The following SLC4A4 variants were observed in gnomAD, a reference collection of about 807,000 sequenced individuals.
SLC4A4 encodes the protein solute carrier family 4 member 4, also known as electrogenic sodium bicarbonate cotransporter 1.
In SLC4A4, 27 loss-of-function variants were observed where a neutral mutation model predicts 111.5. The ratio of observed to expected loss-of-function variants is 0.24; its 90% CI spans 0.18 to 0.33. SLC4A4 has a LOEUF of 0.33. SLC4A4 is among the 10% of genes least tolerant of loss of function. The pLI is 1.00. For synonymous variants in SLC4A4, 443 were observed against 463.4 expected (o/e 0.96, Z 0.57); for missense variants, 909 against 1,315.5 (o/e 0.69, Z 4.78).
intron 2 of SLC4A4, among the ~76,000 whole-genome samples, chr4:71,123,998 G>A (rs761840165): frequency 3.3e-5 from 5 of 152,094 alleles, no homozygotes; most frequent in Non-Finnish European, 7.4e-5. Flanking sequence ...ATTTTAATTA[G>A]GCAGCTGAAT....
At chr4:71,100,554 T>G (rs533493026) in intron 2 of SLC4A4, among the ~76,000 whole-genome samples, 1 of 152,274 alleles carries the variant, frequency 6.6e-6, no homozygotes, top group South Asian at 2.1e-4. Flanking sequence ...GGATGCCCTT[T>G]CCCACAACAT....
chr4:71,085,880 A>G (rs1259909363), intron 1 of SLC4A4, among the ~76,000 whole-genome samples: 1 of 151,940 alleles, frequency 6.6e-6, no homozygotes, highest in African/African-American at 2.4e-5. Flanking sequence ...TTGACTTGGC[A>G]ATGTGGGCTC....
intron 3 of SLC4A4, among the ~76,000 whole-genome samples, chr4:71,297,539 C>G (rs867878661): frequency 1.4e-5 from 2 of 148,058 alleles, no homozygotes; most frequent in African/African-American, 5.2e-5. Context: ...CACACACACA[C>G]ACACACACAC....
intron 1 of SLC4A4, among the ~76,000 whole-genome samples, chr4:71,212,578 C>T (rs1044839589): frequency 4.5e-4 from 68 of 152,232 alleles, no homozygotes; most frequent in African/African-American, 1.5e-3. Context: ...GGTTGGAGAA[C>T]CATGGGATAT....
chr4:71,110,008 T>C (rs1008691564), intron 2 of SLC4A4, among the ~76,000 whole-genome samples: 12 of 152,044 alleles, frequency 7.9e-5, no homozygotes, highest in African/African-American at 1.7e-4. Context: ...AGAGCTGAAA[T>C]TGATGAAAAT....
intron 20 of SLC4A4, among the ~76,000 whole-genome samples, chr4:71,548,336 A>C (rs1735707067): frequency 6.6e-6 from 1 of 151,900 alleles, no homozygotes; most frequent in Non-Finnish European, 1.5e-5. Flanking sequence ...GGTTGTTTAG[A>C]AAATTAGGGG....
In SLC4A4 at chr4:71,293,357, A is replaced by C. The variant is rs533300175; in HGVS notation, c.253+37958A>C. On this transcript the variant is annotated intron_variant, in intron 3 of 25. Transcript: ENST00000264485. ...GCCAGGTGGATCACCTGAGGTCAGG[A>C]GTTCGAGACCAGCCTGGGCAACATG... is the stretch of plus-strand genomic sequence containing the variant. Among the ~76,000 whole-genome samples, 4 of 151,610 alleles carry C rather than the reference A, an allele frequency of 2.6e-5. No homozygotes were observed. The East Asian group carries it at 6.0e-4, about 23-fold the overall frequency.
intron 2 of SLC4A4, among the ~76,000 whole-genome samples, chr4:71,152,777 T>C (rs774922702): frequency 1.3e-4 from 19 of 150,482 alleles, no homozygotes; most frequent in Non-Finnish European, 2.5e-4. Context: ...CCAGCCCACT[T>C]TCTTTGATCT....
intron 1 of SLC4A4, among the ~76,000 whole-genome samples, chr4:71,188,951 G>T (rs1029661676): frequency 3.3e-5 from 5 of 151,684 alleles, no homozygotes; most frequent in African/African-American, 4.9e-5. Flanking sequence ...GGTCTTTGTG[G>T]TAGATCTTGA....
intron 1 of SLC4A4, among the ~76,000 whole-genome samples, chr4:71,233,525 G>T (rs1246939617): frequency 6.6e-6 from 1 of 151,904 alleles, no homozygotes; most frequent in African/African-American, 2.4e-5. Context: ...CTTGGTCTTA[G>T]GTCCACTCCT....
chr4:71,283,209 C>G (rs1723660277), intron 3 of SLC4A4, among the ~76,000 whole-genome samples: 1 of 152,170 alleles, frequency 6.6e-6, no homozygotes, highest in Admixed American at 6.5e-5. Flanking sequence ...TCCGCTATCT[C>G]CCTCCTCCCA....
chr4:71,399,768 GA>G (rs1262320679), intron 7 of SLC4A4, among the ~76,000 whole-genome samples: 1 of 151,914 alleles, frequency 6.6e-6, no homozygotes, highest in Non-Finnish European at 1.5e-5. Context: ...TTCCCCAGAA[GA>G]GGGACTCTGT....
intron 6 of SLC4A4, among the ~76,000 whole-genome samples, chr4:71,393,836 T>C (rs536706758): frequency 1.2e-4 from 19 of 152,196 alleles, no homozygotes; most frequent in African/African-American, 4.3e-4. Flanking sequence ...TGGAACAGAA[T>C]AGAGAACCCA....
rs73828118 is a variant in SLC4A4 at position 71,379,134 on chromosome 4, T to C, written c.731-18443T>C. 9.0e-3 allele frequency among the ~76,000 whole-genome samples: 1,375 copies of C among 152,302 alleles called. 23 individuals are homozygous for C. Among genetic ancestry groups the C allele is most frequent in the African/African-American group, 0.029 (1,222 of 41,554 alleles). ...CCATCTTTCACAACTGCCAGAAGGA[T>C]CTACGTTATGAACGCCACACATCAC... is the stretch of plus-strand genomic sequence containing the variant. On this transcript the variant is annotated intron_variant, in intron 6 of 25. Transcript: ENST00000264485.
chr4:71,304,616 C>T (rs1725539756), intron 3 of SLC4A4, among the ~76,000 whole-genome samples: 1 of 152,154 alleles, frequency 6.6e-6, no homozygotes, highest in African/African-American at 2.4e-5. Context: ...CAAGTTGACA[C>T]ATAAAATTAA....
intron 7 of SLC4A4, among the ~76,000 whole-genome samples, chr4:71,410,773 T>A (rs1721296972): frequency 6.6e-6 from 1 of 152,188 alleles, no homozygotes. Flanking sequence ...TTGGAATAAA[T>A]CTGAATTTAG....
intron 1 of SLC4A4, among the ~76,000 whole-genome samples, chr4:71,230,689 G>A (rs1295581847): frequency 6.6e-6 from 1 of 152,174 alleles, no homozygotes; most frequent in Non-Finnish European, 1.5e-5. Context: ...GATGCCTTTT[G>A]GGATGGAATC....
intron 7 of SLC4A4, among the ~76,000 whole-genome samples, chr4:71,401,130 T>A (rs183424737): frequency 2.5e-4 from 38 of 152,312 alleles, no homozygotes; most frequent in African/African-American, 8.4e-4. Context: ...GGTTCAGAGT[T>A]ATGAAGAGGA....
intron 4 of SLC4A4, among the ~76,000 whole-genome samples, chr4:71,346,482 A>C (rs1729341559): frequency 6.8e-6 from 1 of 148,014 alleles, no homozygotes; most frequent in Non-Finnish European, 1.5e-5. Flanking sequence ...GTTATTATGA[A>C]GGGGAGATAG....
Sources: gnomAD v4.1 joint callset for allele counts (sites outside exome capture counted in the v4.1 genomes callset) on GRCh38, gnomAD v4.1.1 for gene constraint, MANE v1.5 for transcripts, NCBI Gene and HGNC (gene_info 2026-07-23, HGNC 2026-07-21) for gene names.